The following PLAC1 variants were observed in gnomAD, a reference collection of about 807,000 sequenced individuals.
PLAC1 encodes placenta associated 1, also known as placenta-specific protein 1.
For synonymous variants in PLAC1, 68 were observed against 62.1 expected (o/e 1.09, Z -0.44); for missense variants, 136 against 163.2 (o/e 0.83, Z 0.91).
At chrX:134,592,755 G>A (rs1353396813) in intron 2 of PLAC1, among the ~76,000 whole-genome samples, 14 of 83,998 alleles carry the variant, frequency 1.7e-4, no homozygotes, top group East Asian at 4.0e-4. Flanking sequence ...ACAGAGTCTC[G>A]CTCTGTCGCC....
chrX:134,743,541 A>T (rs2078722022), intron 1 of PLAC1, among the ~76,000 whole-genome samples: 1 of 112,094 alleles, frequency 8.9e-6, no homozygotes, highest in Admixed American at 9.5e-5. Context: ...TAATTAGAAA[A>T]TAAAGACGTA....
intron 2 of PLAC1, among the ~76,000 whole-genome samples, chrX:134,598,070 G>T (rs900639015): frequency 8.9e-6 from 1 of 112,077 alleles, no homozygotes; most frequent in Non-Finnish European, 1.9e-5. Flanking sequence ...TGTACTTAGT[G>T]AAAGGAATAG....
intron 1 of PLAC1, among the ~76,000 whole-genome samples, chrX:134,755,397 G>C (rs2078754226): frequency 1.8e-5 from 2 of 112,387 alleles, no homozygotes; most frequent in South Asian, 7.3e-4. Context: ...ATACCAGTGT[G>C]AATAAGATAG....
chrX:134,716,534 T>A (rs2078643866), intron 2 of PLAC1, among the ~76,000 whole-genome samples: 1 of 112,375 alleles, frequency 8.9e-6, no homozygotes, highest in African/African-American at 3.2e-5. Flanking sequence ...TTCCATATAC[T>A]CCCTGTGTTT....
intron 1 of PLAC1, among the ~76,000 whole-genome samples, chrX:134,761,939 A>G (rs181507628): frequency 2.0e-4 from 23 of 112,265 alleles, no homozygotes; most frequent in Non-Finnish European, 3.8e-4. Flanking sequence ...GAACCCATAA[A>G]CAGTCACCTA....
At chrX:134,651,021 C>A in intron 1 of PLAC1, 2 of 252,125 alleles carry the variant, frequency 7.9e-6, no homozygotes, top group South Asian at 5.8e-5. Context: ...AATCTTTGTT[C>A]CTGTTTCTCG....
chrX:134,600,206 T>G, intron 2 of PLAC1, among the ~76,000 whole-genome samples: 1 of 111,103 alleles, frequency 9.0e-6, no homozygotes, highest in Non-Finnish European at 1.9e-5. Flanking sequence ...TTCACATTTT[T>G]TTCTTTGTTG....
chrX:134,711,229 G>A (rs1443538039), intron 2 of PLAC1, among the ~76,000 whole-genome samples: 1 of 111,790 alleles, frequency 8.9e-6, no homozygotes, highest in East Asian at 2.8e-4. Context: ...CGGAGAAAGG[G>A]AACAGAGCAC....
At chrX:134,634,884 T>C (rs751144450) in intron 1 of PLAC1, among the ~76,000 whole-genome samples, 1 of 112,226 alleles carries the variant, frequency 8.9e-6, no homozygotes, top group Non-Finnish European at 1.9e-5. Context: ...GGTATATGTG[T>C]AGGAGTGGAA....
intron 2 of PLAC1, among the ~76,000 whole-genome samples, chrX:134,702,276 C>G (rs1437339038): frequency 8.9e-6 from 1 of 112,024 alleles, no homozygotes; most frequent in Non-Finnish European, 1.9e-5. Flanking sequence ...AAATGTTCTA[C>G]CAAAATGACA....
At chrX:134,676,189 G>C (rs371269963) in intron 2 of PLAC1, among the ~76,000 whole-genome samples, 3 of 111,672 alleles carry the variant, frequency 2.7e-5, no homozygotes, top group African/African-American at 9.8e-5. Context: ...AAATTGAAAA[G>C]CCTGTTTGGC....
intron 1 of PLAC1, among the ~76,000 whole-genome samples, chrX:134,647,997 C>G (rs2078342847): frequency 1.8e-5 from 2 of 111,623 alleles, no homozygotes; most frequent in African/African-American, 6.5e-5. Context: ...AAAGTAGAAT[C>G]AGGTCTGACT....
At chrX:134,706,182 C>A (rs752155282) in intron 2 of PLAC1, among the ~76,000 whole-genome samples, 1 of 112,664 alleles carries the variant, frequency 8.9e-6, no homozygotes, top group African/African-American at 3.2e-5. Context: ...TCTCTACTCC[C>A]GGCAAATATC....
At chrX:134,678,457 C>G (rs1417840525) in intron 2 of PLAC1, among the ~76,000 whole-genome samples, 3 of 111,831 alleles carry the variant, frequency 2.7e-5, no homozygotes. Flanking sequence ...GGTTCTCTAC[C>G]TGAACATCAC....
chrX:134,726,392 C>A (rs1375402620), intron 2 of PLAC1, among the ~76,000 whole-genome samples: 1 of 111,816 alleles, frequency 8.9e-6, no homozygotes, highest in African/African-American at 3.3e-5. Flanking sequence ...CTGTAATTTT[C>A]TATACATTAC....
intron 2 of PLAC1, among the ~76,000 whole-genome samples, chrX:134,727,086 G>T (rs1462663404): frequency 1.8e-5 from 2 of 110,725 alleles, no homozygotes; most frequent in Non-Finnish European, 3.8e-5. Flanking sequence ...TTCCTCCTTT[G>T]CTCGGAGAGA....
In PLAC1 at chrX:134,725,366, C is replaced by A. The variant is rs192531171; in HGVS notation, n.174+8069G>T. The stretch of plus-strand genomic sequence containing the variant: ...TGCCCCAGGTTATATAGTGGGAGAG[C>A]TAGGCTTCCAACCTAGGTGGTCTGT... On this transcript the variant is annotated intron_variant and non_coding_transcript_variant, in intron 2 of 2. Coordinates refer to the PLAC1 transcript ENST00000466797. 2.0e-3 allele frequency among the ~76,000 whole-genome samples: 221 copies of A among 110,979 alleles called. 2 individuals are homozygous for A. The highest frequency in any genetic ancestry group is 6.9e-3 in the African/African-American group (212 of 30,537).
intron 1 of PLAC1, among the ~76,000 whole-genome samples, chrX:134,622,836 T>C (rs1602848462): frequency 8.9e-6 from 1 of 112,065 alleles, no homozygotes; most frequent in East Asian, 2.8e-4. Context: ...GCTCTGGTGG[T>C]CTATGAAACA....
At chrX:134,624,897 T>C (rs775744479) in intron 1 of PLAC1, among the ~76,000 whole-genome samples, 1 of 99,289 alleles carries the variant, frequency 1.0e-5, no homozygotes, top group East Asian at 3.2e-4. Flanking sequence ...GATAGATAGA[T>C]GACAGATAAA....
Sources: gnomAD v4.1 joint callset for allele counts (sites outside exome capture counted in the v4.1 genomes callset) on GRCh38, gnomAD v4.1.1 for gene constraint, MANE v1.5 for transcripts, NCBI Gene and HGNC (gene_info 2026-07-23, HGNC 2026-07-21) for gene names.